TRIM55: variants seen among roughly 807,000 people sequenced by gnomAD.
The protein encoded by TRIM55 is tripartite motif-containing protein 55.
A neutral mutation model predicts 60.9 loss-of-function variants in TRIM55; 50 were observed. That is an observed-to-expected ratio of 0.82 (90% CI 0.65 to 1.04). The LOEUF (loss-of-function observed/expected upper bound fraction) is 1.04. Among genes scored for constraint, TRIM55 ranks in the 50% least tolerant of loss-of-function variants. The pLI is 0.00. For synonymous variants in TRIM55, 237 were observed against 238.1 expected (o/e 1.00, Z 0.04); for missense variants, 681 against 666.9 (o/e 1.02, Z -0.23).
the TRIM55 span, among the ~76,000 whole-genome samples, chr8:66,114,179 G>T: frequency 5.3e-5 from 8 of 149,652 alleles, no homozygotes; most frequent in South Asian, 6.3e-4. Flanking sequence ...AATAAGCCGT[G>T]CCCAGCCGTG....
intron 2 of TRIM55, among the ~76,000 whole-genome samples, chr8:66,131,186 G>A (rs142061254): frequency 6.5e-4 from 99 of 152,058 alleles, no homozygotes; most frequent in Middle Eastern, 3.4e-3. Context: ...ACAATAATCC[G>A]GTGAGGTGTT....
chr8:66,139,868 T>C (rs1307782241), intron 4 of TRIM55, among the ~76,000 whole-genome samples: 1 of 152,246 alleles, frequency 6.6e-6, no homozygotes, highest in Non-Finnish European at 1.5e-5. Flanking sequence ...TATTCATATA[T>C]AACAGTACAG....
At chr8:66,143,083 T>G (rs531054758) in intron 4 of TRIM55, among the ~76,000 whole-genome samples, 1 of 152,350 alleles carries the variant, frequency 6.6e-6, no homozygotes, top group East Asian at 1.9e-4. Context: ...GGTATAGCTC[T>G]AACAAGTATG....
intron 9 of TRIM55, among the ~76,000 whole-genome samples, chr8:66,171,692 A>C (rs1423418437): frequency 1.3e-5 from 2 of 152,218 alleles, no homozygotes; most frequent in Non-Finnish European, 2.9e-5. Context: ...CATTTAAGAA[A>C]CTATTTGAAG....
chr8:66,171,654 A>G (rs547766315), intron 9 of TRIM55, among the ~76,000 whole-genome samples: 1 of 152,358 alleles, frequency 6.6e-6, no homozygotes, highest in Non-Finnish European at 1.5e-5. Context: ...CCCAAGAAAT[A>G]GCACTTTCTG....
chr8:66,117,427 A>G, the TRIM55 span, among the ~76,000 whole-genome samples: 9 of 152,250 alleles, frequency 5.9e-5, no homozygotes, highest in African/African-American at 2.2e-4. Context: ...AAATACAATA[A>G]TATTTTTATT....
At chr8:66,120,581 C>T in the TRIM55 span, among the ~76,000 whole-genome samples, 2 of 152,134 alleles carry the variant, frequency 1.3e-5, no homozygotes, top group Admixed American at 6.5e-5. Context: ...ATAATGAAAC[C>T]CCCATAAGAA....
At chr8:66,116,041 C>T in the TRIM55 span, among the ~76,000 whole-genome samples, 1 of 151,962 alleles carries the variant, frequency 6.6e-6, no homozygotes, top group African/African-American at 2.4e-5. Context: ...GGGAATTAGT[C>T]TAAGGGTTTG....
intron 9 of TRIM55, among the ~76,000 whole-genome samples, chr8:66,154,553 A>G (rs566425352): frequency 1.3e-5 from 2 of 152,350 alleles, no homozygotes; most frequent in South Asian, 2.1e-4. Flanking sequence ...CTCCTGGTGC[A>G]TGGTGACCTC....
chr8:66,166,888 A>G lies in TRIM55; in HGVS notation c.1525-7583A>G, dbSNP rs528519883. On this transcript the variant is annotated intron_variant, in intron 9 of 9. Coordinates refer to ENST00000315962, the MANE Select transcript of TRIM55 (RefSeq NM_184085.2). ...GGTTCATGGGACTGAGGCAAAAATC[A>G]GCGTGACCAGGGGCTGTTCTGCTTT... is the stretch of plus-strand genomic sequence containing the variant. Among the ~76,000 whole-genome samples, 5 of 152,316 alleles carry G rather than the reference A, an allele frequency of 3.3e-5. 1 individual carries two copies. In the East Asian group the frequency reaches 9.6e-4, roughly 29 times the overall value.
At chr8:66,171,419 T>C (rs962739853) in intron 9 of TRIM55, among the ~76,000 whole-genome samples, 2 of 152,246 alleles carry the variant, frequency 1.3e-5, no homozygotes, top group African/African-American at 4.8e-5. Context: ...GCAAAAGACA[T>C]GATCTTGTTC....
At chr8:66,140,107 C>T (rs1400226765) in intron 4 of TRIM55, among the ~76,000 whole-genome samples, 2 of 152,134 alleles carry the variant, frequency 1.3e-5, no homozygotes, top group Admixed American at 6.5e-5. Flanking sequence ...CCTAAGTGGG[C>T]AGTAGGCTCT....
intron 9 of TRIM55, among the ~76,000 whole-genome samples, chr8:66,160,147 C>T (rs1586240007): frequency 6.6e-6 from 1 of 152,102 alleles, no homozygotes; most frequent in African/African-American, 2.4e-5. Flanking sequence ...CTCCCCAACC[C>T]CTACTCTTTC....
intron 4 of TRIM55, among the ~76,000 whole-genome samples, chr8:66,142,326 G>C (rs74830474): frequency 6.6e-6 from 1 of 152,176 alleles, no homozygotes; most frequent in Non-Finnish European, 1.5e-5. Context: ...AGAGGGACAC[G>C]TTGAGAATGA....
upstream of TRIM55, among the ~76,000 whole-genome samples, chr8:66,123,423 A>G (rs769638154): frequency 6.6e-6 from 1 of 152,202 alleles, no homozygotes; most frequent in South Asian, 2.1e-4. Context: ...CAAATATTTT[A>G]CAGAGTTTTA....
intron 2 of TRIM55, 145 bp from the exon 3 acceptor site, chr8:66,134,845 A>C: frequency 1.2e-6 from 1 of 818,394 alleles, no homozygotes; most frequent in Non-Finnish European, 1.9e-6. Flanking sequence ...GAGCATGTGA[A>C]AGGGCCCCTG....
rs1354740348 is a variant in TRIM55, at chr8:66,152,437, T to G, written c.1046T>G (p.Val349Gly). ...GEGEKEGEGE[V>G]GGEAVEVEEV... ...GGAGAAAAAGAAGGAGAAGGAGAAGTGGGAGGAGAAGCAGTAGAAGTGGAA... is the reference window on the plus strand; with the variant it reads ...GGAGAAAAAGAAGGAGAAGGAGAAGGGGGAGGAGAAGCAGTAGAAGTGGAA... The change falls in exon 8 of 10, where the codon GTG (valine) becomes GGG (glycine). Residue 349 changes from valine to glycine, a missense_variant. Val to Gly is a moderately radical substitution (Grantham distance 109). Transcript: ENST00000315962. The G allele has an allele frequency of 1.2e-6, 2 of 1,610,604 alleles. No homozygotes were observed. The highest frequency in any genetic ancestry group is 1.7e-5 in the Admixed American group (1 of 59,860).
chr8:66,132,176 C>A (rs1809197839), intron 2 of TRIM55, among the ~76,000 whole-genome samples: 1 of 152,150 alleles, frequency 6.6e-6, no homozygotes, highest in African/African-American at 2.4e-5. Context: ...TTTGGGCAGG[C>A]ACAGTGGCTC....
At chr8:66,156,089 C>T (rs1810724631) in intron 9 of TRIM55, among the ~76,000 whole-genome samples, 1 of 152,160 alleles carries the variant, frequency 6.6e-6, no homozygotes, top group Non-Finnish European at 1.5e-5. Context: ...GCAAAGGACT[C>T]CTGCAGGAAA....
Sources: gnomAD v4.1 joint callset for allele counts (sites outside exome capture counted in the v4.1 genomes callset) on GRCh38, gnomAD v4.1.1 for gene constraint, MANE v1.5 for transcripts, NCBI Gene and HGNC (gene_info 2026-07-23, HGNC 2026-07-21) for gene names.